Variants in PABIR3 observed in about 807,000 individuals in gnomAD.
PABIR3 encodes PABIR family member 3, also known as PABIR family member 1.
In PABIR3, 20 loss-of-function variants were observed where a neutral mutation model predicts 23.1. The ratio of observed to expected loss-of-function variants is 0.86; its 90% CI spans 0.61 to 1.26. The LOEUF is 1.26. Among genes scored for constraint, PABIR3 ranks in the 50% most tolerant of loss-of-function variants. The pLI is 0.00. For synonymous variants in PABIR3, 69 were observed against 68.5 expected (o/e 1.01, Z -0.04); for missense variants, 189 against 195.4 (o/e 0.97, Z 0.20).
downstream of PABIR3, among the ~76,000 whole-genome samples, chrX:134,855,979 A>C (rs1339189661): frequency 8.1e-5 from 9 of 111,560 alleles, no homozygotes. Context: ...GATCATTGAC[A>C]GACAAAGGTT....
intron 10 of PABIR3, among the ~76,000 whole-genome samples, chrX:134,853,482 T>A (rs2082705018): frequency 8.9e-6 from 1 of 111,963 alleles, no homozygotes; most frequent in African/African-American, 3.2e-5. Flanking sequence ...AATGCATCCT[T>A]GGAAAAAGTC....
At chrX:134,810,236 C>CA (rs2080567237) in intron 2 of PABIR3, 1 of 753,145 alleles carries the variant, frequency 1.3e-6, no homozygotes, top group African/African-American at 2.3e-5. Flanking sequence ...GCCCTGGAAA[C>CA]AGAGAGATCT....
intron 9 of PABIR3, among the ~76,000 whole-genome samples, chrX:134,849,914 C>A (rs1445554279): frequency 1.5e-4 from 11 of 75,812 alleles, no homozygotes; most frequent in Non-Finnish European, 1.1e-4. Flanking sequence ...GCTCTGTCAC[C>A]CAGGCTGGAG....
chrX:134,834,076 C>A (rs2081896286), intron 4 of PABIR3: 1 of 111,870 alleles, frequency 8.9e-6, no homozygotes, highest in South Asian at 3.7e-4. Flanking sequence ...GGTTCTAGAT[C>A]CTTGAGGAAT....
chrX:134,801,464 C>T (rs373821493), intron 1 of PABIR3, among the ~76,000 whole-genome samples: 6 of 112,614 alleles, frequency 5.3e-5, no homozygotes, highest in South Asian at 3.6e-4. Context: ...CCCCATTCAG[C>T]TTAAGGCCTG....
chrX:134,817,351 C>T (rs1364023981), intron 3 of PABIR3, among the ~76,000 whole-genome samples: 1 of 109,278 alleles, frequency 9.2e-6, no homozygotes, highest in Non-Finnish European at 1.9e-5. Context: ...ATTTACTCAT[C>T]CATTCAACGA....
chrX:134,821,567 C>T (rs1475749994), intron 3 of PABIR3: 1 of 1,147,851 alleles, frequency 8.7e-7, no homozygotes, highest in Admixed American at 2.6e-5. Flanking sequence ...TCTCATCTTC[C>T]TAAGAGAAAA....
At chrX:134,827,034 C>T (rs986258231) in intron 3 of PABIR3, among the ~76,000 whole-genome samples, 1 of 111,557 alleles carries the variant, frequency 9.0e-6, no homozygotes, top group Non-Finnish European at 1.9e-5. Context: ...GATCTCAGCT[C>T]ACTGTAAGCT....
At chrX:134,806,156 C>T (rs929997642), upstream of PABIR3, among the ~76,000 whole-genome samples, 2 of 112,047 alleles carry the variant, frequency 1.8e-5, no homozygotes, top group East Asian at 2.8e-4. Flanking sequence ...ATGTATGTAG[C>T]TTCTAATACT....
chrX:134,805,157 G>A (rs752807274), upstream of PABIR3, among the ~76,000 whole-genome samples: 1 of 111,968 alleles, frequency 8.9e-6, no homozygotes, highest in East Asian at 2.8e-4. Context: ...AAACAGAAGG[G>A]CAGAGGAATC....
chrX:134,825,872 C>T (rs1200805668), intron 3 of PABIR3, among the ~76,000 whole-genome samples: 5 of 80,936 alleles, frequency 6.2e-5, no homozygotes, highest in Non-Finnish European at 9.1e-5. Context: ...GATGGGGTTT[C>T]ACCATGTTGG....
Position 134,814,784 on chromosome X carries a change from G to T in PABIR3, c.124G>T (p.Val42Leu). 4 of 1,191,951 alleles carry T rather than the reference G, an allele frequency of 3.4e-6. No homozygotes were observed. The South Asian group carries it at 7.4e-5, about 22-fold the overall frequency. The stretch of plus-strand genomic sequence containing the variant: ...TTTTCTTTTTAGTTTTAATTCACAG[G>T]TGTTGCAAGCTGACATGTTAAGAAT... ...LINGLGFNSQ[V>L]LQADMLRIRT... The change falls in exon 3 of 11, where the codon GTG becomes TTG. Residue 42 changes from valine to leucine, a missense_variant. Physicochemically the swap from Val to Leu is conservative, Grantham distance 32. Coordinates refer to ENST00000645433, the MANE Select transcript of PABIR3 (RefSeq NM_001388447.1).
intron 4 of PABIR3, among the ~76,000 whole-genome samples, chrX:134,830,952 A>G (rs927560090): frequency 8.9e-6 from 1 of 111,855 alleles, no homozygotes; most frequent in Non-Finnish European, 1.9e-5. Flanking sequence ...AATGAATGAG[A>G]TGGGAAAAGA....
Position 134,845,343 on chromosome X carries a change from G to T in PABIR3, c.291-4G>T. 1 of 1,205,820 alleles carries T rather than the reference G, an allele frequency of 8.3e-7. No individual in the cohort carries two copies. The highest frequency in any genetic ancestry group is 1.1e-6 in the Non-Finnish European group (1 of 893,166). On this transcript the variant is annotated splice_polypyrimidine_tract_variant and splice_region_variant and intron_variant, in intron 5 of 10. Coordinates refer to ENST00000645433, the MANE Select transcript of PABIR3 (RefSeq NM_001388447.1). The stretch of plus-strand genomic sequence containing the variant: ...GCAAACTGCAGTTTTGATTTCTTTT[G>T]TAGGAAGCTACAAAGTGAGATACAG...
chrX:134,862,410 A>C, the PABIR3 span, among the ~76,000 whole-genome samples: 1 of 111,346 alleles, frequency 9.0e-6, no homozygotes, highest in African/African-American at 3.3e-5. Flanking sequence ...TCAGCCTCCC[A>C]AAGTGCTGGG....
downstream of PABIR3, among the ~76,000 whole-genome samples, chrX:134,858,938 A>G (rs941987326): frequency 1.4e-4 from 16 of 112,074 alleles, no homozygotes; most frequent in African/African-American, 5.2e-4. Context: ...GTCATTAACT[A>G]AATCCTATAA....
At chrX:134,796,493 A>C (rs999747767), upstream of PABIR3, 14 of 262,378 alleles carry the variant, frequency 5.3e-5, no homozygotes, top group African/African-American at 3.8e-4. Context: ...TGAAGGAAAG[A>C]AGGATGGAGG....
At chrX:134,809,486 G>T in intron 2 of PABIR3, 1 of 752,976 alleles carries the variant, frequency 1.3e-6, no homozygotes, top group African/African-American at 2.3e-5. Flanking sequence ...TCTTAAACTA[G>T]ACTTTTAAAA....
chrX:134,856,311 G>A (rs772564518), downstream of PABIR3, among the ~76,000 whole-genome samples: 60 of 108,875 alleles, frequency 5.5e-4, no homozygotes, highest in Non-Finnish European at 2.9e-4. Context: ...TCAACCTCCC[G>A]AGTAGCTGGG....
Sources: allele counts gnomAD v4.1 joint callset (sites outside exome capture counted in the v4.1 genomes callset), GRCh38; gene constraint gnomAD v4.1.1; transcripts MANE v1.5; gene names NCBI Gene and HGNC (gene_info 2026-07-23, HGNC 2026-07-21).